The following NBEA variants were observed in gnomAD, a reference collection of about 807,000 sequenced individuals.
The protein encoded by NBEA is lysosomal-trafficking regulator 2.
A neutral mutation model predicts 343.4 loss-of-function variants in NBEA; 44 were observed. That is an observed-to-expected ratio of 0.13 (90% CI 0.10 to 0.16). The LOEUF (loss-of-function observed/expected upper bound fraction) is 0.16. Ranked by LOEUF, NBEA falls within the 10% of genes least tolerant of loss-of-function variation. The pLI is 1.00. For missense variants in NBEA, 2,555 were observed against 3,631.3 expected (o/e 0.70, Z 7.62); for synonymous variants, 1,175 against 1,238.7 (o/e 0.95, Z 1.08).
At chr13:35,236,556 C>G (rs939237190) in intron 34 of NBEA, among the ~76,000 whole-genome samples, 2 of 152,002 alleles carry the variant, frequency 1.3e-5, no homozygotes, top group African/African-American at 4.8e-5. Flanking sequence ...ACGCCATTCT[C>G]CTGCCTCAGC....
chr13:35,078,254 A>G (rs1054353710), intron 10 of NBEA, among the ~76,000 whole-genome samples: 6 of 152,194 alleles, frequency 3.9e-5, no homozygotes, highest in Non-Finnish European at 7.3e-5. Context: ...AGAGAAACCT[A>G]TCAGCATAGA....
Position 35,391,129 on chromosome 13 carries a change from G to A in NBEA, c.6179+38806G>A, listed in dbSNP as rs1381790977. Among the ~76,000 whole-genome samples the A allele has an allele frequency of 2.0e-5, 3 of 152,024 alleles. 1 individual carries two copies. The South Asian group carries it at 6.2e-4, about 32-fold the overall frequency. On this transcript the variant is annotated intron_variant, in intron 38 of 58. Transcript: ENST00000379939. ...GTCTCTACTAAAAATATAAAAATTT[G>A]CTGGGCTTGATGGCACGCACCTGTG...
intron 48 of NBEA, among the ~76,000 whole-genome samples, chr13:35,625,556 C>T (rs2083189736): frequency 1.3e-5 from 2 of 152,014 alleles, no homozygotes; most frequent in African/African-American, 2.4e-5. Flanking sequence ...GCCCAGGAGA[C>T]GGAGGTTGTA....
intron 38 of NBEA, among the ~76,000 whole-genome samples, chr13:35,387,736 G>GAA (rs113065886): frequency 6.7e-6 from 1 of 150,216 alleles, no homozygotes; most frequent in Non-Finnish European, 1.5e-5. Context: ...TTTTTGCTAG[G>GAA]AAAAAAAAAT....
chr13:35,574,390 GAAAAAC>G (rs1262432042), intron 45 of NBEA, among the ~76,000 whole-genome samples: 2 of 136,272 alleles, frequency 1.5e-5, no homozygotes, highest in Non-Finnish European at 3.1e-5. Context: ...CAAAAAAAAA[GAAAAAC>G]AAAAGAAAAA....
chr13:35,220,452 G>A (rs937985900), intron 33 of NBEA, among the ~76,000 whole-genome samples: 4 of 152,114 alleles, frequency 2.6e-5, no homozygotes, highest in African/African-American at 2.4e-5. Flanking sequence ...AATCCACCTC[G>A]ATGTTTGAAA....
Position 35,526,769 on chromosome 13 carries a change from G to A in NBEA, c.6586-23708G>A, listed in dbSNP as rs74042323. ...GAATGTGTGAGCGAGTGCATGGTCC[G>A]GCCACCGTGCACAGCCAGGTGTGCT... On this transcript the variant is annotated intron_variant, in intron 41 of 58. Coordinates refer to ENST00000379939, the MANE Select transcript of NBEA (RefSeq NM_001385012.1). Among the ~76,000 whole-genome samples the A allele has an allele frequency of 8.6e-3, 1,303 of 152,288 alleles. 23 individuals are homozygous for A. The highest frequency in any genetic ancestry group is 0.03 in the African/African-American group (1,251 of 41,550).
intron 31 of NBEA, among the ~76,000 whole-genome samples, chr13:35,201,912 C>G (rs973005968): frequency 6.6e-6 from 1 of 152,036 alleles, no homozygotes; most frequent in Non-Finnish European, 1.5e-5. Flanking sequence ...TGTTTCCTCT[C>G]TCACCCCAAA....
chr13:35,100,977 C>T (rs992111030), intron 11 of NBEA, among the ~76,000 whole-genome samples: 3 of 151,778 alleles, frequency 2.0e-5, no homozygotes, highest in African/African-American at 4.8e-5. Flanking sequence ...TGTATTTGGT[C>T]CATTTTGCTT....
At chr13:35,078,270 C>G (rs1202725312) in intron 10 of NBEA, among the ~76,000 whole-genome samples, 1 of 152,196 alleles carries the variant, frequency 6.6e-6, no homozygotes, top group East Asian at 1.9e-4. Context: ...ATAGAACTTA[C>G]ATTATCCAGC....
chr13:35,358,015 CA>C (rs1357781710), intron 38 of NBEA, among the ~76,000 whole-genome samples: 2 of 151,928 alleles, frequency 1.3e-5, no homozygotes, highest in Admixed American at 1.3e-4. Context: ...TTTGTTTTAT[CA>C]ACAGATAATT....
At chr13:34,995,375 T>C (rs1188602301) in intron 1 of NBEA, among the ~76,000 whole-genome samples, 1 of 150,766 alleles carries the variant, frequency 6.6e-6, no homozygotes, top group Middle Eastern at 3.2e-3. Flanking sequence ...GAGCTGAGAT[T>C]GTGCCACTGC....
intron 41 of NBEA, among the ~76,000 whole-genome samples, chr13:35,514,908 G>C (rs1373287362): frequency 6.6e-6 from 1 of 152,132 alleles, no homozygotes; most frequent in Non-Finnish European, 1.5e-5. Flanking sequence ...TGTTACCTTT[G>C]CATTAACACT....
chr13:35,455,542 T>C (rs1443912944), intron 40 of NBEA, among the ~76,000 whole-genome samples: 1 of 152,164 alleles, frequency 6.6e-6, no homozygotes, highest in East Asian at 1.9e-4. Context: ...CTGTATTTTC[T>C]GCCTGTTGAG....
chr13:35,024,609 G>A (rs1189682327), intron 1 of NBEA, among the ~76,000 whole-genome samples: 1 of 152,116 alleles, frequency 6.6e-6, no homozygotes, highest in Non-Finnish European at 1.5e-5. Context: ...GAACCTGATA[G>A]GCGGAGTTTG....
chr13:35,221,322 G>A (rs754998491), intron 33 of NBEA, among the ~76,000 whole-genome samples: 6 of 148,304 alleles, frequency 4.0e-5, no homozygotes, highest in Admixed American at 1.3e-4. Flanking sequence ...CCAGCCTGGC[G>A]ACAGAGTGAG....
chr13:35,516,123 T>C (rs2077477224), intron 41 of NBEA, among the ~76,000 whole-genome samples: 1 of 152,170 alleles, frequency 6.6e-6, no homozygotes, highest in Non-Finnish European at 1.5e-5. Flanking sequence ...AAAAATAAAA[T>C]GATCATATTA....
chr13:35,311,105 T>G (rs530754504), intron 36 of NBEA, among the ~76,000 whole-genome samples: 50 of 152,264 alleles, frequency 3.3e-4, no homozygotes, highest in African/African-American at 9.9e-4. Flanking sequence ...AAATATCAGT[T>G]TTCTTTTATA....
chr13:35,061,925 C>T (rs1342662215), intron 8 of NBEA, among the ~76,000 whole-genome samples: 1 of 151,494 alleles, frequency 6.6e-6, no homozygotes, highest in African/African-American at 2.4e-5. Flanking sequence ...TTATTTTTTG[C>T]TTTTATAGGA....
Sources: allele counts gnomAD v4.1 joint callset (sites outside exome capture counted in the v4.1 genomes callset), GRCh38; gene constraint gnomAD v4.1.1; transcripts MANE v1.5; gene names NCBI Gene and HGNC (gene_info 2026-07-23, HGNC 2026-07-21).